The following NPC2 variants were observed in gnomAD, a reference collection of about 807,000 sequenced individuals.
The protein encoded by NPC2 is NPC intracellular cholesterol transporter 2, also known as Niemann-Pick disease type C2 protein.
In NPC2, 14 loss-of-function variants were observed where a neutral mutation model predicts 17.0. The observed-to-expected ratio is 0.82, with a 90% CI of 0.54 to 1.29. The LOEUF (loss-of-function observed/expected upper bound fraction) is 1.29. Ranked by LOEUF, NPC2 falls within the 50% of genes most tolerant of loss-of-function variation. The pLI, the probability that NPC2 is intolerant of heterozygous loss-of-function variation, is 0.00. For missense variants in NPC2, 167 were observed against 183.4 expected (o/e 0.91, Z 0.52); for synonymous variants, 75 against 69.3 (o/e 1.08, Z -0.41).
intron 2 of NPC2, among the ~76,000 whole-genome samples, chr14:74,485,745 T>C (rs2086706271): frequency 6.6e-6 from 1 of 152,174 alleles, no homozygotes; most frequent in Admixed American, 6.5e-5. Context: ...TCTAGATTCT[T>C]AAAAATCTCA....
rs1826024439 is a variant in NPC2 at position 74,484,733 on chromosome 14, A to G, written c.191-146T>C. On this transcript the variant is annotated intron_variant, in intron 2 of 4. Coordinates refer to ENST00000555619, the MANE Select transcript of NPC2 (RefSeq NM_006432.5). Reference sequence around the variant, plus strand: ...TGCTTGGTACTAGCACAGTGCAAGCATTCACTCCAAACACAATTATGCAAA... The same window carrying G: ...TGCTTGGTACTAGCACAGTGCAAGCGTTCACTCCAAACACAATTATGCAAA... 8.0e-6 allele frequency: 3 copies of G among 373,542 alleles called. No homozygotes were observed. The East Asian group carries it at 1.8e-4, about 23-fold the overall frequency. The allele number at this position is 373,542 out of a possible 1,614,324, so 23.1% of individuals were successfully genotyped here.
upstream of NPC2, chr14:74,493,313 G>T (rs1360321432): frequency 6.3e-7 from 1 of 1,597,382 alleles, no homozygotes; most frequent in Non-Finnish European, 8.5e-7. The surrounding 1 kb of genome is among the most constrained non-coding windows in gnomAD (Gnocchi z 4.1). Context: ...AAGAAGCAGC[G>T]GCCGCCCGCG....
chr14:74,483,041 A>G, intron 3 of NPC2: 1 of 1,282,422 alleles, frequency 7.8e-7, no homozygotes, highest in Non-Finnish European at 1.1e-6. Flanking sequence ...CAGTTTGTTC[A>G]GGGAATTTTT....
At chr14:74,493,316 C>A (rs1449486003), upstream of NPC2, 3 of 1,595,740 alleles carry the variant, frequency 1.9e-6, no homozygotes, top group Non-Finnish European at 2.6e-6. The surrounding 1 kb of genome is among the most constrained non-coding windows in gnomAD (Gnocchi z 4.1). Context: ...AAGCAGCGGC[C>A]GCCCGCGGTC....
intron 2 of NPC2, 55 bp downstream of exon 2, chr14:74,486,274 T>G: frequency 1.7e-4 from 232 of 1,405,370 alleles, no homozygotes; most frequent in Non-Finnish European, 2.1e-4. Context: ...TTCCAACACT[T>G]GATATTTAGG....
At chr14:74,492,565 A>T (rs1302575543) in intron 1 of NPC2, among the ~76,000 whole-genome samples, 1 of 152,236 alleles carries the variant, frequency 6.6e-6, no homozygotes, top group Non-Finnish European at 1.5e-5. Flanking sequence ...GACTCAATGA[A>T]GGCACTCAGA....
intron 2 of NPC2, among the ~76,000 whole-genome samples, 168 bp from the exon 3 acceptor site, chr14:74,484,755 C>CAAAAAAAAA (rs71115996): frequency 2.3e-4 from 20 of 85,192 alleles, no homozygotes; most frequent in African/African-American, 2.8e-4. Context: ...CACAATTATG[C>CAAAAAAAAA]AAAAAAAAAA....
chr14:74,489,386 A>ATT (rs1566604258), intron 1 of NPC2, among the ~76,000 whole-genome samples: 1 of 152,240 alleles, frequency 6.6e-6, no homozygotes, highest in Non-Finnish European at 1.5e-5. Context: ...AAACAAATAC[A>ATT]TATTTTTCAA....
chr14:74,492,138 CCA>C (rs1469947434), intron 1 of NPC2, among the ~76,000 whole-genome samples: 2 of 152,156 alleles, frequency 1.3e-5, no homozygotes, highest in African/African-American at 4.8e-5. Context: ...TCAGCACTCC[CCA>C]CTTTCCAAGC....
intron 1 of NPC2, among the ~76,000 whole-genome samples, chr14:74,490,215 T>G (rs569047534): frequency 6.6e-6 from 1 of 152,232 alleles, no homozygotes; most frequent in Non-Finnish European, 1.5e-5. Context: ...AAGTATGATA[T>G]GAACTCAGAA....
At chr14:74,480,818 G>A (rs1444410605) in intron 3 of NPC2, 39 bp from the exon 4 acceptor site, 1 of 1,510,296 alleles carries the variant, frequency 6.6e-7, no homozygotes, top group Admixed American at 1.7e-5. Flanking sequence ...AATGAAAATA[G>A]GACCTGACTT....
At chr14:74,483,453 G>C in intron 3 of NPC2, 1 of 1,544,968 alleles carries the variant, frequency 6.5e-7, no homozygotes, top group Non-Finnish European at 8.9e-7. Context: ...CAGATAAATA[G>C]AAAAACACCA....
Position 74,493,170 on chromosome 14 carries a change from C to T in NPC2, c.82+23G>A, listed in dbSNP as rs746204183. ...GGGCCTTCCACAGAGGGCGCGGGAA[C>T]CTTGGGCGGGCCTGGGGCTCACCGC... On this transcript the variant is annotated intron_variant, in intron 1 of 4. Transcript: ENST00000555619. This position sits in a 1 kb window ranked among gnomAD's most constrained non-coding sequence, Gnocchi z 4.1. 36 of 1,597,438 alleles carry T rather than the reference C, an allele frequency of 2.3e-5. 1 individual carries two copies. The Middle Eastern group carries it at 3.3e-3, about 146-fold the overall frequency.
Position 74,493,007 on chromosome 14 carries a change from C to A in NPC2, c.82+186G>T, listed in dbSNP as rs1015081401. ...TTCTAAGGAAAGAAACAAAGTTGTG[C>A]GCGGTCGGGTTTCATGGAGGCCGGC... is the stretch of plus-strand genomic sequence containing the variant. On this transcript the variant is annotated intron_variant, in intron 1 of 4. Transcript: ENST00000555619. The surrounding 1 kb of genome is among the most constrained non-coding windows in gnomAD (Gnocchi z 4.1). Among the ~76,000 whole-genome samples the A allele has an allele frequency of 1.3e-5, 2 of 152,336 alleles. No homozygotes were observed. The highest frequency in any genetic ancestry group is 2.4e-5 in the African/African-American group (1 of 41,572).
intron 1 of NPC2, among the ~76,000 whole-genome samples, chr14:74,490,983 C>T (rs2086765622): frequency 1.3e-5 from 2 of 152,240 alleles, no homozygotes; most frequent in East Asian, 3.8e-4. Flanking sequence ...TTTCCTACCA[C>T]TTACTGGGTG....
chr14:74,484,165 T>C (rs1005138147), intron 3 of NPC2, among the ~76,000 whole-genome samples: 4 of 152,182 alleles, frequency 2.6e-5, no homozygotes, highest in Non-Finnish European at 5.9e-5. Context: ...TTTTAGTATA[T>C]TAAAAAACAA....
Position 74,493,114 on chromosome 14 carries a change from GC to G in NPC2, c.82+78del. On this transcript the variant is annotated intron_variant, in intron 1 of 4. Transcript: ENST00000555619. The surrounding 1 kb of genome is among the most constrained non-coding windows in gnomAD (Gnocchi z 4.1). ...CCGCCCGAGGGATCCGCCCAGCCCA[GC>G]CCCAGGGGTCTCAGCGCGGGGGTCC... is the stretch of plus-strand genomic sequence containing the variant. 1 of 1,524,440 alleles carries G rather than the reference GC, an allele frequency of 6.6e-7. No homozygotes were observed. Among genetic ancestry groups the G allele is most frequent in the Non-Finnish European group, 8.9e-7 (1 of 1,125,234 alleles). The allele number at this position is 1,524,440 out of a possible 1,614,324, so 94.4% of individuals were successfully genotyped here. A position where few individuals can be genotyped will look rare whatever the true frequency, so the allele number is the denominator to read the frequency against.
Position 74,493,059 on chromosome 14 carries a change from C to T in NPC2, c.82+134G>A. 8.9e-7 allele frequency: 1 copy of T among 1,121,304 alleles called. No homozygotes were observed. The highest frequency in any genetic ancestry group is 1.3e-6 in the Non-Finnish European group (1 of 792,974). 69.5% of individuals were successfully genotyped at this position (1,121,304 alleles called of 1,614,324 possible). A position where few individuals can be genotyped will look rare whatever the true frequency, so the allele number is the denominator to read the frequency against. ...CCTTCTCCCCCGACCCAGCCCATTCCAGTTAGGTAGGGTCCAAGGCTCAGC... is the reference window on the plus strand; with the variant it reads ...CCTTCTCCCCCGACCCAGCCCATTCTAGTTAGGTAGGGTCCAAGGCTCAGC... On this transcript the variant is annotated intron_variant, in intron 1 of 4. Coordinates refer to ENST00000555619, the MANE Select transcript of NPC2 (RefSeq NM_006432.5). This position sits in a 1 kb window ranked among gnomAD's most constrained non-coding sequence, Gnocchi z 4.1.
intron 3 of NPC2, 109 bp downstream of exon 3, chr14:74,484,306 T>A (rs550506788): frequency 5.5e-5 from 64 of 1,173,104 alleles, no homozygotes; most frequent in Non-Finnish European, 7.9e-5. Context: ...TTCTTCTTCA[T>A]CATAGAGATA....
Sources: gnomAD v4.1 joint callset for allele counts (sites outside exome capture counted in the v4.1 genomes callset) on GRCh38, gnomAD v4.1.1 for gene constraint, Gnocchi (gnomAD v3.1) non-coding constraint, MANE v1.5 for transcripts, NCBI Gene and HGNC (gene_info 2026-07-23, HGNC 2026-07-21) for gene names.